Variants in ZNF25 observed in about 807,000 individuals in gnomAD.
ZNF25 encodes the protein zinc finger protein 25 (KOX 19).
In ZNF25, 21 loss-of-function variants were observed where a neutral mutation model predicts 30.9. That is an observed-to-expected ratio of 0.68 (90% CI 0.48 to 0.98). ZNF25 has a LOEUF of 0.98. Ranked by LOEUF, ZNF25 falls within the 50% of genes least tolerant of loss-of-function variation. ZNF25 has a pLI of 0.00. For missense variants in ZNF25, 501 were observed against 529.9 expected, an observed-to-expected ratio of 0.95 and a Z score of 0.54; for synonymous variants, 169 against 181.3, an observed-to-expected ratio of 0.93 and a Z score of 0.55.
chr10:37,963,269 C>T (rs569198829), intron 2 of ZNF25, among the ~76,000 whole-genome samples: 506 of 152,048 alleles, frequency 3.3e-3, no homozygotes, highest in Admixed American at 6.8e-3. Flanking sequence ...ATTACAGGTG[C>T]CCACCACCAC....
In ZNF25 at chr10:37,971,774, A is replaced by G. The variant is rs776681221; in HGVS notation, c.-52T>C. 86 of 1,613,836 alleles carry G rather than the reference A, an allele frequency of 5.3e-5. No individual in the cohort carries two copies. Among genetic ancestry groups the G allele is most frequent in the Non-Finnish European group, 7.1e-5 (84 of 1,179,912 alleles). ...AAACTGCAAAGCCAGAGCAGAAATC[A>G]TAAGGGACCTTAGCTGGCAGCCCCA... On this transcript the variant is annotated 5_prime_UTR_variant, in exon 2 of 6. It removes an upstream start codon present in the reference 5' UTR. Coordinates refer to ENST00000302609, the MANE Select transcript of ZNF25 (RefSeq NM_145011.4).
rs756398453 is a variant in ZNF25 at position 37,952,055 on chromosome 10, G to A, written c.*72C>T. ...TTCCCTCTATTGATGCGATTCATAAGGTGTACCTCTTGTGTGAATTATCTG... is the reference window on the plus strand; with the variant it reads ...TTCCCTCTATTGATGCGATTCATAAAGTGTACCTCTTGTGTGAATTATCTG... On this transcript the variant is annotated 3_prime_UTR_variant, in exon 6 of 6. Transcript: ENST00000302609. 88 of 1,418,438 alleles carry A rather than the reference G, an allele frequency of 6.2e-5. No individual in the cohort carries two copies. Among genetic ancestry groups the A allele is most frequent in the Non-Finnish European group, 7.6e-5 (80 of 1,050,196 alleles). The allele number at this position is 1,418,438 out of a possible 1,614,324, so 87.9% of individuals were successfully genotyped here. A position where few individuals can be genotyped will look rare whatever the true frequency, so the allele number is the denominator to read the frequency against.
chr10:37,957,179 G>A, intron 3 of ZNF25, 64 bp from the exon 4 acceptor site: 6 of 1,483,940 alleles, frequency 4.0e-6, no homozygotes, highest in Non-Finnish European at 4.7e-6. Flanking sequence ...TGTGAAAGAT[G>A]AGGAAGTGGA....
chr10:37,959,659 G>A (rs974589856), intron 2 of ZNF25, among the ~76,000 whole-genome samples: 2 of 151,946 alleles, frequency 1.3e-5, no homozygotes, highest in Admixed American at 1.3e-4. Flanking sequence ...TCCCAGGCTG[G>A]AGTGCAATGG....
At position 37,952,752 on chromosome 10, in the gene ZNF25, T is replaced by A; in HGVS notation, c.746A>T (p.Gln249Leu). ...FYVKAYLMVH[Q>L]KTHTGEKPYE... ...GGGTTTCTCCCCTGTGTGTGTTTTC[T>A]GATGTACCATGAGGTATGCCTTCAC... Residue 249 changes from glutamine (Q) to leucine (L), a missense_variant, in exon 6 of 6, where the codon CAG becomes CTG. Physicochemically the swap from Gln to Leu is moderately radical, Grantham distance 113 (BLOSUM62 -2). Coordinates refer to ENST00000302609, the MANE Select transcript of ZNF25 (RefSeq NM_145011.4). 6.2e-7 allele frequency: 1 copy of A among 1,614,106 alleles called. No individual in the cohort carries two copies. Among genetic ancestry groups the A allele is most frequent in the Non-Finnish European group, 8.5e-7 (1 of 1,179,998 alleles).
At position 37,952,670 on chromosome 10, in the gene ZNF25, A is replaced by G. The variant is rs2062230167; in HGVS notation, c.828T>C (p.His276=). ...GTTTCTCCCCTGTGTGCATTCTCTG[A>G]TGTACTGTGAGGTGTGACTTCTGGG... The part of the protein sequence containing the change: ...AFSQKSHLTV[H]QRMHTGEKPY... Residue 276 remains histidine, a synonymous_variant, in exon 6 of 6, where the codon CAT becomes CAC. Coordinates refer to ENST00000302609, the MANE Select transcript of ZNF25 (RefSeq NM_145011.4). 4 of 1,613,508 alleles carry G rather than the reference A, an allele frequency of 2.5e-6. No individual in the cohort carries two copies. The highest frequency in any genetic ancestry group is 3.4e-6 in the Non-Finnish European group (4 of 1,179,868).
In ZNF25 at chr10:37,957,118, A is replaced by G. The variant is rs773564785; in HGVS notation, c.143-3T>C. On this transcript the variant is annotated splice_polypyrimidine_tract_variant and splice_region_variant and intron_variant, in intron 3 of 5. Transcript: ENST00000302609. The stretch of plus-strand genomic sequence containing the variant: ...ATTTGGCTTATTCACATGGTAACCT[A>G]TGAATGGAAAATATCAAGGAAATGA... 1 of 1,611,300 alleles carries G rather than the reference A, an allele frequency of 6.2e-7. No individual in the cohort carries two copies. The highest frequency in any genetic ancestry group is 1.1e-5 in the South Asian group (1 of 90,930).
intron 4 of ZNF25, 44 bp downstream of exon 4, chr10:37,956,976 C>T (rs1447004828): frequency 3.4e-6 from 5 of 1,454,126 alleles, no homozygotes; most frequent in Non-Finnish European, 4.8e-6. Flanking sequence ...CAAGAGGCAC[C>T]AACTACTCAC....
In ZNF25 at chr10:37,953,734, A is replaced by G. The variant is rs1475363928; in HGVS notation, c.263T>C (p.Leu88Pro). The G allele has an allele frequency of 3.1e-6, 5 of 1,614,010 alleles. No homozygotes were observed. The highest frequency in any genetic ancestry group is 4.2e-6 in the Non-Finnish European group (5 of 1,179,936). The change falls in exon 5 of 6, where the codon CTA becomes CCA. Residue 88 changes from leucine (L) to proline (P), a missense_variant. Coordinates refer to ENST00000302609, the MANE Select transcript of ZNF25 (RefSeq NM_145011.4). The part of the protein sequence containing the change: ...FPEDLWSIHD[L>P]EARYQESQAG... ...TTGGCTTTCCTGGTATCTTGCTTCT[A>G]GATCATGAATGCTCCATAGGTCTTC...
Position 37,952,378 on chromosome 10 carries a change from C to A in ZNF25, c.1120G>T (p.Glu374Ter). 6.2e-7 allele frequency: 1 copy of A among 1,614,050 alleles called. No individual in the cohort carries two copies. The highest frequency in any genetic ancestry group is 1.7e-5 in the Admixed American group (1 of 60,006). ...TTCACAGCAAAAGATTTGCCACATT[C>A]TGTGCATTCATAGGGCTTCTCCCCT... ...HTGEKPYECT[E>*]CGKSFAVNSV... Residue 374 changes from glutamate to a stop codon, truncating the protein, a stop_gained, in exon 6 of 6, where the codon GAA becomes TAA. Transcript: ENST00000302609. LOFTEE classifies it low-confidence loss of function (END_TRUNC).
chr10:37,950,145 T>G lies in ZNF25; in HGVS notation c.*1982A>C, dbSNP rs530920669. 6.5e-6 allele frequency: 1 copy of G among 152,762 alleles called. No individual in the cohort carries two copies. The highest frequency in any genetic ancestry group is 2.1e-4 in the South Asian group (1 of 4,830). The allele number at this position is 152,762 out of a possible 1,614,324, so 9.5% of individuals were successfully genotyped here. A position where few individuals can be genotyped will look rare whatever the true frequency, so the allele number is the denominator to read the frequency against. On this transcript the variant is annotated 3_prime_UTR_variant, in exon 6 of 6. Transcript: ENST00000302609. ...TTTCAGCTCTAAGTAACAGAAAAACTTACTTTGTAAAGTGCTAGATCTTAG... is the reference window on the plus strand; with the variant it reads ...TTTCAGCTCTAAGTAACAGAAAAACGTACTTTGTAAAGTGCTAGATCTTAG...
intron 2 of ZNF25, among the ~76,000 whole-genome samples, chr10:37,967,009 A>G (rs1000271825): frequency 6.6e-6 from 1 of 152,182 alleles, no homozygotes; most frequent in African/African-American, 2.4e-5. Context: ...ATTTCACGAA[A>G]ATAGTAGTAA....
At chr10:37,972,515 C>T (rs2063546704) in intron 1 of ZNF25, among the ~76,000 whole-genome samples, 1 of 152,162 alleles carries the variant, frequency 6.6e-6, no homozygotes, top group Admixed American at 6.5e-5. Context: ...GCACTGTGCC[C>T]TCAAAACTTG....
intron 1 of ZNF25, among the ~76,000 whole-genome samples, chr10:37,976,015 T>C (rs943254757): frequency 9.2e-5 from 14 of 152,184 alleles, no homozygotes; most frequent in African/African-American, 3.4e-4. Flanking sequence ...ATGGTTACGA[T>C]GATTAAATGA....
chr10:37,974,687 G>A (rs1263434456), intron 1 of ZNF25, among the ~76,000 whole-genome samples: 1 of 152,212 alleles, frequency 6.6e-6, no homozygotes, highest in Non-Finnish European at 1.5e-5. Flanking sequence ...TACAGCCACT[G>A]TGGAAAACAG....
At chr10:37,965,542 A>C (rs565150573) in intron 2 of ZNF25, among the ~76,000 whole-genome samples, 1 of 152,332 alleles carries the variant, frequency 6.6e-6, no homozygotes, top group South Asian at 2.1e-4. Flanking sequence ...TTCCATCAAG[A>C]CTATCCATCA....
intron 2 of ZNF25, among the ~76,000 whole-genome samples, chr10:37,959,938 G>A (rs1331442160): frequency 8.6e-5 from 13 of 151,636 alleles, no homozygotes; most frequent in Admixed American, 6.6e-4. Context: ...GTTTTAAAAC[G>A]GAGTCTCGCT....
In ZNF25 at chr10:37,957,451, C is replaced by T; in HGVS notation, c.111G>A (p.Met37Ile). 6.2e-7 allele frequency: 1 copy of T among 1,613,636 alleles called. No individual in the cohort carries two copies. The highest frequency in any genetic ancestry group is 1.3e-5 in the African/African-American group (1 of 75,016). ...AGACAAGGTGACTATAGTTTTCCAG[C>T]ATCACATCCTTATACAGAGTCCTCT... ...PAQRTLYKDV[M>I]LENYSHLVSV... is the part of the protein sequence containing the mutation. The change falls in exon 3 of 6, where the codon ATG (methionine) becomes ATA (isoleucine). Residue 37 changes from methionine to isoleucine, a missense_variant. Coordinates refer to ENST00000302609, the MANE Select transcript of ZNF25 (RefSeq NM_145011.4).
Position 37,952,489 on chromosome 10 carries a change from T to C in ZNF25, c.1009A>G (p.Thr337Ala). The change falls in exon 6 of 6, where the codon ACA becomes GCA. Residue 337 changes from threonine (T) to alanine (A), a missense_variant. Transcript: ENST00000302609. ...TTACATTCAAAGGGTTTCTCCCCTG[T>C]GTGAGTTCGCTGATGTACTGTGAGG... is the stretch of plus-strand genomic sequence containing the variant. The part of the protein sequence containing the change: ...SALTVHQRTH[T>A]GEKPFECNKC... 1.2e-6 allele frequency: 2 copies of C among 1,614,072 alleles called. No homozygotes were observed. Among genetic ancestry groups the C allele is most frequent in the Non-Finnish European group, 1.7e-6 (2 of 1,179,994 alleles).
Sources: allele counts gnomAD v4.1 joint callset (sites outside exome capture counted in the v4.1 genomes callset), GRCh38; gene constraint gnomAD v4.1.1; transcripts MANE v1.5; gene names NCBI Gene and HGNC (gene_info 2026-07-23, HGNC 2026-07-21).